Variants in PDZK1 observed in about 807,000 individuals in gnomAD.
The protein encoded by PDZK1 is PDZ domain containing 1.
In PDZK1, 23 loss-of-function variants were observed where a neutral mutation model predicts 38.1. That is an observed-to-expected ratio of 0.60 (90% CI 0.43 to 0.85). The LOEUF is 0.85. Among genes scored for constraint, PDZK1 ranks in the 40% least tolerant of loss-of-function variants. The pLI is 0.00. For synonymous variants in PDZK1, 98 were observed against 186.2 expected (o/e 0.53, Z 3.86); for missense variants, 297 against 504.3 (o/e 0.59, Z 3.94).
Position 145,680,993 on chromosome 1 carries a change from G to C in PDZK1, c.712C>G (p.Pro238Ala), listed in dbSNP as rs1654188106. Residue 238 changes from proline to alanine, a missense_variant, in exon 5 of 9, where the codon CCC becomes GCC. Transcript: ENST00000417171. ...KRETASLKLLPHQPRIVEMKK... is the reference protein window; with the variant it reads ...KRETASLKLLAHQPRIVEMKK... ...ATCTCCACAATTCGGGGCTGGTGGG[G>C]TAACAGTTTCAAACTGGCTGTTTCT... The C allele has an allele frequency of 5.2e-6, 3 of 574,590 alleles. No homozygotes were observed. 35.6% of individuals were successfully genotyped at this position (574,590 alleles called of 1,614,324 possible). A position where few individuals can be genotyped will look rare whatever the true frequency, so the allele number is the denominator to read the frequency against.
At chr1:145,679,990 T>C (rs1654076356) in intron 5 of PDZK1, among the ~76,000 whole-genome samples, 1 of 152,160 alleles carries the variant, frequency 6.6e-6, no homozygotes, top group Non-Finnish European at 1.5e-5. Context: ...TTATCCCAGC[T>C]CTGTCTACTT....
chr1:145,675,151 G>C (rs1460300710), intron 6 of PDZK1, among the ~76,000 whole-genome samples: 1 of 150,466 alleles, frequency 6.6e-6, no homozygotes, highest in Non-Finnish European at 1.5e-5. Context: ...GACCATCCAT[G>C]TAAAGAAATG....
At chr1:145,676,066 G>A (rs1553699179) in intron 6 of PDZK1, 3 of 180,596 alleles carry the variant, frequency 1.7e-5, no homozygotes, top group Admixed American at 6.6e-5. Context: ...ATAATTGGGT[G>A]TCTAGTATGT....
At chr1:145,674,161 A>G (rs1653395010) in intron 6 of PDZK1, 14 of 985,252 alleles carry the variant, frequency 1.4e-5, no homozygotes, top group Non-Finnish European at 1.7e-5. Flanking sequence ...AGAAGTCTAA[A>G]AAATTGCTAG....
chr1:145,676,223 A>T, intron 6 of PDZK1: 1 of 954,314 alleles, frequency 1.0e-6, no homozygotes, highest in Non-Finnish European at 1.2e-6. Context: ...TCTATTAACC[A>T]AAACAGAAAA....
rs1655016874 is a variant in PDZK1, at chr1:145,688,826, GCAGC to G, written c.-2-807_-2-804del. The stretch of plus-strand genomic sequence containing the variant: ...TTACAAAAATTAGCCAGGCGTGGTG[GCAGC>G]CACCTGTTGTCCCAGCTATTCGGGA... On this transcript the variant is annotated intron_variant, in intron 1 of 8. Coordinates refer to ENST00000417171, the MANE Select transcript of PDZK1 (RefSeq NM_001201325.2). 2.0e-5 allele frequency among the ~76,000 whole-genome samples: 3 copies of G among 152,240 alleles called. No homozygotes were observed. In the South Asian group the frequency reaches 6.2e-4, roughly 32 times the overall value.
chr1:145,701,784 G>GTC (rs1655974171), intron 1 of PDZK1, among the ~76,000 whole-genome samples: 1 of 152,126 alleles, frequency 6.6e-6, no homozygotes, highest in Admixed American at 6.5e-5. Context: ...ACTGACAGAT[G>GTC]TCTCTAGCAA....
chr1:145,691,013 A>G (rs587679040), intron 1 of PDZK1, among the ~76,000 whole-genome samples: 2 of 152,270 alleles, frequency 1.3e-5, no homozygotes, highest in South Asian at 2.1e-4. Context: ...CTTTATACCA[A>G]TAGTGAAATG....
intron 1 of PDZK1, among the ~76,000 whole-genome samples, chr1:145,706,142 CAGTTGGCTA>C (rs1553705690): frequency 6.6e-6 from 1 of 152,136 alleles, no homozygotes; most frequent in Non-Finnish European, 1.5e-5. Flanking sequence ...ATTGAGGCTC[CAGTTGGCTA>C]AGTAGTTTGT....
At position 145,687,965 on chromosome 1, in the gene PDZK1, GT is replaced by G. The variant is rs1553702281; in HGVS notation, c.56del (p.Asn19ThrfsTer64). ...ECKLSKQEGQ[N>X]YGFFLRIEKD... The stretch of plus-strand genomic sequence containing the variant: ...TCTCAATTCGCAGGAAGAAGCCATA[GT>G]TTTGCCCTTCTTGCTTGGACAGTTT... On this transcript the variant is annotated frameshift_variant, in exon 2 of 9. Transcript: ENST00000417171. LOFTEE classifies it high-confidence loss of function. 6.2e-7 allele frequency: 1 copy of G among 1,612,620 alleles called. No individual in the cohort carries two copies. The highest frequency in any genetic ancestry group is 1.3e-5 in the African/African-American group (1 of 74,718).
At chr1:145,700,070 C>T (rs1655873738) in intron 1 of PDZK1, among the ~76,000 whole-genome samples, 1 of 152,234 alleles carries the variant, frequency 6.6e-6, no homozygotes, top group Admixed American at 6.5e-5. Flanking sequence ...TGAAATTTTT[C>T]CTGATTTTCT....
chr1:145,689,594 G>A (rs1281147367), intron 1 of PDZK1, among the ~76,000 whole-genome samples: 1 of 152,182 alleles, frequency 6.6e-6, no homozygotes, highest in Non-Finnish European at 1.5e-5. Context: ...GGCCAGAACA[G>A]CAAGAGGCTG....
intron 1 of PDZK1, among the ~76,000 whole-genome samples, chr1:145,702,618 G>T (rs1233950693): frequency 1.3e-5 from 2 of 152,152 alleles, no homozygotes; most frequent in African/African-American, 4.8e-5. Context: ...GCTCGGCCGG[G>T]TGCAGTGGCT....
At chr1:145,697,211 C>T (rs1271761634) in intron 1 of PDZK1, among the ~76,000 whole-genome samples, 1 of 151,980 alleles carries the variant, frequency 6.6e-6, no homozygotes, top group Non-Finnish European at 1.5e-5. Flanking sequence ...CCTGTAAGCC[C>T]AGGTACTTGG....
intron 1 of PDZK1, among the ~76,000 whole-genome samples, chr1:145,692,230 G>A (rs889714096): frequency 2.0e-5 from 3 of 152,062 alleles, no homozygotes; most frequent in African/African-American, 4.8e-5. Flanking sequence ...GGACCTAGGG[G>A]ACTTCTTCCC....
intron 1 of PDZK1, among the ~76,000 whole-genome samples, chr1:145,690,296 C>T (rs1455330273): frequency 6.6e-6 from 1 of 152,070 alleles, no homozygotes; most frequent in Non-Finnish European, 1.5e-5. Flanking sequence ...TGTCCAAGCT[C>T]ACCTGTAGAT....
intron 1 of PDZK1, among the ~76,000 whole-genome samples, chr1:145,692,571 T>C (rs1351899451): frequency 6.6e-5 from 10 of 151,266 alleles, no homozygotes; most frequent in Non-Finnish European, 1.3e-4. Flanking sequence ...ATTAGCCAAG[T>C]ATGGTGGTGC....
At chr1:145,673,931 A>AAGTT (rs1293882444) in intron 6 of PDZK1, 50 bp from the exon 7 acceptor site, 1 of 1,201,394 alleles carries the variant, frequency 8.3e-7, no homozygotes, top group African/African-American at 1.6e-5. Flanking sequence ...AACCATGAGT[A>AAGTT]AGTTATACTT....
intron 1 of PDZK1, among the ~76,000 whole-genome samples, chr1:145,705,638 G>A (rs1470648026): frequency 2.0e-5 from 3 of 152,154 alleles, no homozygotes; most frequent in Non-Finnish European, 2.9e-5. Flanking sequence ...GAGATTAAAA[G>A]ACTAGGACAA....
Sources: gnomAD v4.1 joint callset for allele counts (sites outside exome capture counted in the v4.1 genomes callset) on GRCh38, gnomAD v4.1.1 for gene constraint, MANE v1.5 for transcripts, NCBI Gene and HGNC (gene_info 2026-07-23, HGNC 2026-07-21) for gene names.